HYDIN: variants seen among roughly 807,000 people sequenced by gnomAD.
The protein encoded by HYDIN is axonemal central pair apparatus protein HYDIN.
Under a neutral mutation model 403.9 loss-of-function variants are expected in HYDIN, and 132 were observed. That is an observed-to-expected ratio of 0.33 (90% CI 0.28 to 0.38). The LOEUF is 0.38. HYDIN is among the 10% of genes least tolerant of loss of function. The probability of loss-of-function intolerance (pLI) is 1.00; values close to 1 mark genes in which losing one functional copy is unlikely to be tolerated. For synonymous variants in HYDIN, 1,202 were observed against 1,891.7 expected (o/e 0.64, Z 9.46); for missense variants, 2,827 against 5,009.5 (o/e 0.56, Z 13.15).
chr16:71,195,972 C>G (rs552347489), intron 1 of HYDIN, among the ~76,000 whole-genome samples: 1 of 152,190 alleles, frequency 6.6e-6, no homozygotes, highest in East Asian at 1.9e-4. Flanking sequence ...AAATAGCCAA[C>G]TAAGGACCAT....
chr16:70,838,639 TA>T (rs1293962213), intron 76 of HYDIN, among the ~76,000 whole-genome samples: 1 of 152,136 alleles, frequency 6.6e-6, no homozygotes, highest in Non-Finnish European at 1.5e-5. Context: ...AGTCTGGATC[TA>T]GGCTCCATCA....
At chr16:71,093,295 A>G (rs2083171687) in intron 11 of HYDIN, among the ~76,000 whole-genome samples, 1 of 152,202 alleles carries the variant, frequency 6.6e-6, no homozygotes, top group Admixed American at 6.5e-5. Flanking sequence ...GTAAAATTTC[A>G]TTTTCTAATT....
chr16:71,179,911 T>A (rs1219285416), intron 3 of HYDIN, among the ~76,000 whole-genome samples: 1 of 152,218 alleles, frequency 6.6e-6, no homozygotes, highest in Non-Finnish European at 1.5e-5. Flanking sequence ...GAGTTCACGG[T>A]TGCGCCCTGG....
At chr16:70,867,104 T>A in intron 66 of HYDIN, among the ~76,000 whole-genome samples, 1 of 140,962 alleles carries the variant, frequency 7.1e-6, no homozygotes, top group African/African-American at 2.6e-5. Flanking sequence ...AACAGAAGAG[T>A]TTATAAAAAA....
At chr16:71,069,231 G>T in intron 14 of HYDIN, 36 bp downstream of exon 14, 1 of 1,552,040 alleles carries the variant, frequency 6.4e-7, no homozygotes, top group Non-Finnish European at 8.8e-7. Flanking sequence ...AGGCTCAGCT[G>T]CTTAGCTGTG....
chr16:71,100,285 G>A lies in HYDIN; in HGVS notation c.1328-6350C>T, dbSNP rs567666524. On this transcript the variant is annotated intron_variant, in intron 10 of 85. Transcript: ENST00000393567. ...ACTAGACTATATTCTTGAAAAGGAA[G>A]ATTCAATGTCATCGAGAGTGTCCAT... Among the ~76,000 whole-genome samples the A allele has an allele frequency of 1.5e-3, 225 of 152,314 alleles. 3 individuals are homozygous for A. Among genetic ancestry groups the A allele is most frequent in the African/African-American group, 5.2e-3 (217 of 41,566 alleles).
chr16:71,051,508 T>C (rs1291739504), intron 18 of HYDIN, among the ~76,000 whole-genome samples: 1 of 151,616 alleles, frequency 6.6e-6, no homozygotes, highest in Non-Finnish European at 1.5e-5. Flanking sequence ...TAGCCGGACG[T>C]GGTGGCGGGC....
intron 1 of HYDIN, among the ~76,000 whole-genome samples, chr16:71,206,602 T>G (rs1315114042): frequency 6.6e-6 from 1 of 151,980 alleles, no homozygotes; most frequent in Non-Finnish European, 1.5e-5. Flanking sequence ...GAAATAGAAT[T>G]CAGAATATGG....
Position 70,981,506 on chromosome 16 carries a change from C to A in HYDIN, c.4395G>T (p.Glu1465Asp), listed in dbSNP as rs754146654. ...GTATCTGGAAACTCCTTTTAAAGAC[C>A]TCAGGTACTCCAGGTAGGTAGTAAA... ...LKVYYLPGVP[E>D]VFKRSFQIQI... Residue 1465 changes from glutamate to aspartate, a missense_variant, in exon 29 of 86, where the codon GAG (glutamate) becomes GAT (aspartate). Transcript: ENST00000393567. The A allele has an allele frequency of 6.2e-7, 1 of 1,613,628 alleles. No individual in the cohort carries two copies. Among genetic ancestry groups the A allele is most frequent in the Non-Finnish European group, 8.5e-7 (1 of 1,179,926 alleles).
chr16:70,830,095 G>A (rs1236138123), intron 80 of HYDIN, among the ~76,000 whole-genome samples: 1 of 152,086 alleles, frequency 6.6e-6, no homozygotes, highest in Admixed American at 6.5e-5. Flanking sequence ...TTCTACTAGA[G>A]GGAGACAGAC....
intron 4 of HYDIN, among the ~76,000 whole-genome samples, chr16:71,178,548 C>T (rs761879294): frequency 4.7e-4 from 71 of 149,774 alleles, no homozygotes; most frequent in Non-Finnish European, 1.6e-4. Flanking sequence ...GGGTTTATAT[C>T]TTGAATTGGG....
At chr16:71,087,316 G>T (rs911162821) in intron 12 of HYDIN, among the ~76,000 whole-genome samples, 1 of 151,858 alleles carries the variant, frequency 6.6e-6, no homozygotes, top group African/African-American at 2.4e-5. Flanking sequence ...TGATTGCAGG[G>T]TTATTTTTTT....
chr16:71,078,842 C>T (rs562974073), intron 13 of HYDIN, among the ~76,000 whole-genome samples: 1 of 152,272 alleles, frequency 6.6e-6, no homozygotes, highest in Admixed American at 6.5e-5. Context: ...TGCTAAGTTA[C>T]GGCAAAATTG....
intron 5 of HYDIN, among the ~76,000 whole-genome samples, chr16:71,164,058 C>CAAATATG: frequency 6.8e-6 from 1 of 147,864 alleles, no homozygotes; most frequent in South Asian, 2.2e-4. Context: ...AGCATATTTG[C>CAAATATG]CTGCAATGTA....
At chr16:71,120,678 CT>C (rs2084222949) in intron 9 of HYDIN, among the ~76,000 whole-genome samples, 1 of 151,830 alleles carries the variant, frequency 6.6e-6, no homozygotes, top group African/African-American at 2.4e-5. Context: ...TCTATTACCC[CT>C]CTACCTCCTT....
At chr16:70,872,400 A>G (rs1317374642) in intron 64 of HYDIN, among the ~76,000 whole-genome samples, 1 of 146,522 alleles carries the variant, frequency 6.8e-6, no homozygotes, top group East Asian at 2.0e-4. Flanking sequence ...CCATCCATCC[A>G]TCCATCCATC....
At chr16:70,931,222 T>G (rs1211974588) in intron 45 of HYDIN, among the ~76,000 whole-genome samples, 3 of 129,658 alleles carry the variant, frequency 2.3e-5, no homozygotes, top group African/African-American at 8.4e-5. Flanking sequence ...TTTTTTTTTT[T>G]TTTTTTTTTT....
At chr16:71,101,889 G>A (rs1456059074) in intron 10 of HYDIN, among the ~76,000 whole-genome samples, 3 of 152,070 alleles carry the variant, frequency 2.0e-5, no homozygotes, top group South Asian at 4.2e-4. Context: ...ACATGTTCAA[G>A]ACTGTTCATA....
At chr16:70,980,574 G>A (rs1234667413) in intron 29 of HYDIN, among the ~76,000 whole-genome samples, 4 of 149,666 alleles carry the variant, frequency 2.7e-5, no homozygotes, top group Non-Finnish European at 5.9e-5. Context: ...ATATATGCAA[G>A]TTTTCAGGGA....
Sources: allele counts gnomAD v4.1 joint callset (sites outside exome capture counted in the v4.1 genomes callset), GRCh38; gene constraint gnomAD v4.1.1; transcripts MANE v1.5; gene names NCBI Gene and HGNC (gene_info 2026-07-23, HGNC 2026-07-21).